Variants in CSMD1 observed in about 807,000 individuals in gnomAD.
The protein encoded by CSMD1 is CUB and Sushi multiple domains 1.
Under a neutral mutation model 417.5 loss-of-function variants are expected in CSMD1, and 213 were observed. The observed-to-expected ratio is 0.51, with a 90% confidence interval of 0.46 to 0.57. The LOEUF (loss-of-function observed/expected upper bound fraction) is 0.57. CSMD1 is among the 20% of genes least tolerant of loss of function. The pLI, the probability that CSMD1 is intolerant of heterozygous loss-of-function variation, is 0.00. For missense variants in CSMD1, 6,923 were observed against 4,529.7 expected, an observed-to-expected ratio of 1.53 and a Z score of -15.17; for synonymous variants, 2,862 against 1,736.8, an observed-to-expected ratio of 1.65 and a Z score of -16.11.
intron 1 of CSMD1, among the ~76,000 whole-genome samples, chr8:4,734,316 T>A (rs1356736288): frequency 1.3e-5 from 2 of 152,174 alleles, no homozygotes; most frequent in Non-Finnish European, 2.9e-5. Flanking sequence ...TTATTGTTTA[T>A]GGATGTGAAT....
chr8:4,107,767 C>G (rs1398557930), intron 3 of CSMD1, among the ~76,000 whole-genome samples: 2 of 152,146 alleles, frequency 1.3e-5, no homozygotes, highest in Non-Finnish European at 2.9e-5. Flanking sequence ...CATGACTGCA[C>G]GAGGCTGTCA....
chr8:3,644,729 G>C (rs980901418), intron 7 of CSMD1, among the ~76,000 whole-genome samples: 3 of 152,034 alleles, frequency 2.0e-5, no homozygotes, highest in South Asian at 2.1e-4. Context: ...GGGCCTGTCA[G>C]GGGGGTGCAG....
chr8:4,321,542 G>A (rs1412409621), intron 3 of CSMD1, among the ~76,000 whole-genome samples: 2 of 151,994 alleles, frequency 1.3e-5, no homozygotes, highest in Admixed American at 6.6e-5. Flanking sequence ...ATGAGTATCT[G>A]GTATATCACA....
chr8:3,500,662 G>A (rs577764847), intron 10 of CSMD1, among the ~76,000 whole-genome samples: 3 of 152,156 alleles, frequency 2.0e-5, no homozygotes, highest in Non-Finnish European at 4.4e-5. Context: ...TTAAGGAGGA[G>A]GGAGTGATCA....
At chr8:3,312,203 ATCAT>A (rs558208212) in intron 23 of CSMD1, among the ~76,000 whole-genome samples, 102 of 152,282 alleles carry the variant, frequency 6.7e-4, no homozygotes, top group African/African-American at 2.3e-3. Flanking sequence ...TTTTCTATCA[ATCAT>A]TCAATATCAA....
At chr8:4,683,067 T>G (rs1806149221) in intron 1 of CSMD1, among the ~76,000 whole-genome samples, 1 of 150,072 alleles carries the variant, frequency 6.7e-6, no homozygotes, top group South Asian at 2.1e-4. Flanking sequence ...AATGTCATTG[T>G]GGCATAGAAT....
intron 51 of CSMD1, among the ~76,000 whole-genome samples, chr8:3,024,408 C>T (rs903485388): frequency 5.3e-5 from 8 of 151,982 alleles, no homozygotes; most frequent in South Asian, 4.2e-4. Flanking sequence ...TGGGTTCAAG[C>T]GATTCTCCTG....
chr8:4,377,438 T>G (rs1197950385), intron 3 of CSMD1, among the ~76,000 whole-genome samples: 1 of 152,188 alleles, frequency 6.6e-6, no homozygotes, highest in African/African-American at 2.4e-5. Flanking sequence ...AGTGAGAGGT[T>G]AAATTGATTT....
intron 1 of CSMD1, among the ~76,000 whole-genome samples, chr8:4,670,042 C>G (rs575953284): frequency 3.0e-4 from 46 of 152,188 alleles, no homozygotes; most frequent in Non-Finnish European, 5.0e-4. Flanking sequence ...CTGAACCCTG[C>G]TAGGAGAAAC....
intron 5 of CSMD1, among the ~76,000 whole-genome samples, chr8:3,808,875 C>T (rs1464912128): frequency 6.6e-6 from 1 of 152,170 alleles, no homozygotes; most frequent in Non-Finnish European, 1.5e-5. Context: ...AATGAGAATT[C>T]TGAAGTCATA....
At chr8:3,573,944 CATCT>C (rs1404679569) in intron 10 of CSMD1, among the ~76,000 whole-genome samples, 1 of 151,778 alleles carries the variant, frequency 6.6e-6, no homozygotes, top group Non-Finnish European at 1.5e-5. Flanking sequence ...TACTGGCAAG[CATCT>C]ATATTGAACT....
intron 17 of CSMD1, among the ~76,000 whole-genome samples, chr8:3,393,781 T>G (rs769225577): frequency 9.3e-5 from 14 of 151,202 alleles, no homozygotes; most frequent in African/African-American, 2.7e-4. Flanking sequence ...TAGGTGGGAA[T>G]TGAACAATGA....
In CSMD1 at chr8:4,151,919, C is replaced by T. The variant is rs1008702630; in HGVS notation, c.416-119820G>A. On this transcript the variant is annotated intron_variant, in intron 3 of 69. Transcript: ENST00000635120. ...GCAGAGAAGTCCATTTGTCTATCAG[C>T]AGAGATAAGTTTTGCCTGCATAAAA... 7.2e-5 allele frequency among the ~76,000 whole-genome samples: 11 copies of T among 152,256 alleles called. No homozygotes were observed. In the East Asian group the frequency reaches 1.7e-3, roughly 24 times the overall value.
intron 1 of CSMD1, among the ~76,000 whole-genome samples, chr8:4,710,038 G>C (rs1216015009): frequency 6.6e-6 from 1 of 152,148 alleles, no homozygotes; most frequent in Non-Finnish European, 1.5e-5. Flanking sequence ...AGGCCACTAA[G>C]CTGACTTGAT....
intron 5 of CSMD1, among the ~76,000 whole-genome samples, chr8:3,943,200 G>A (rs1362545816): frequency 3.3e-5 from 5 of 151,928 alleles, no homozygotes; most frequent in African/African-American, 4.8e-5. Flanking sequence ...CCTGGTGTTC[G>A]ATTTTTATCA....
At chr8:3,185,036 T>G (rs1821655566) in intron 36 of CSMD1, among the ~76,000 whole-genome samples, 1 of 152,188 alleles carries the variant, frequency 6.6e-6, no homozygotes, top group South Asian at 2.1e-4. Flanking sequence ...TCCATTGCTT[T>G]CTCAAGTTCC....
Position 4,023,583 on chromosome 8 carries a change from CTT to C in CSMD1, c.610+8320_610+8321del, listed in dbSNP as rs35976423. Among the ~76,000 whole-genome samples the C allele has an allele frequency of 1.1e-3, 139 of 130,468 alleles. 2 individuals carry two copies. The highest frequency in any genetic ancestry group is 3.8e-3 in the Middle Eastern group (1 of 260). The allele number at this position is 130,468 out of a possible 152,430, so 85.6% of individuals were successfully genotyped here. ...AATATGAATGCTTACTGCTTTTCAACTTTTTTTTTTTTTTTTTTCCTGACACG... is the reference window on the plus strand; with the variant it reads ...AATATGAATGCTTACTGCTTTTCAACTTTTTTTTTTTTTTTTCCTGACACG... On this transcript the variant is annotated intron_variant, in intron 4 of 69. Coordinates refer to ENST00000635120, the MANE Select transcript of CSMD1 (RefSeq NM_033225.6).
chr8:4,289,669 T>A (rs1470558285), intron 3 of CSMD1, among the ~76,000 whole-genome samples: 1 of 152,188 alleles, frequency 6.6e-6, no homozygotes, highest in African/African-American at 2.4e-5. Flanking sequence ...GAGTAACATG[T>A]GCTCAAGACA....
intron 5 of CSMD1, among the ~76,000 whole-genome samples, chr8:3,840,894 A>T (rs1227847100): frequency 6.6e-6 from 1 of 151,810 alleles, no homozygotes; most frequent in African/African-American, 2.4e-5. Context: ...TTTAGTAGAG[A>T]CGAGGTTTCA....
Sources: gnomAD v4.1 joint callset for allele counts (sites outside exome capture counted in the v4.1 genomes callset) on GRCh38, gnomAD v4.1.1 for gene constraint, MANE v1.5 for transcripts, NCBI Gene and HGNC (gene_info 2026-07-23, HGNC 2026-07-21) for gene names.